The following OSGIN1 variants were observed in gnomAD, a reference collection of about 807,000 sequenced individuals.
The protein encoded by OSGIN1 is oxidative stress-induced growth inhibitor 1.
A neutral mutation model predicts 20.1 loss-of-function variants in OSGIN1; 19 were observed. That is an observed-to-expected ratio of 0.95 (90% CI 0.66 to 1.39). OSGIN1 has a LOEUF of 1.39. OSGIN1 is among the 40% of genes most tolerant of loss of function. OSGIN1 has a pLI of 0.00. For missense variants in OSGIN1, 820 were observed against 653.0 expected (o/e 1.26, Z -2.79); for synonymous variants, 368 against 297.8 (o/e 1.24, Z -2.43).
chr16:83,965,701 G>A lies in OSGIN1; in HGVS notation c.1128G>A (p.Val376=). Reference sequence around the variant, plus strand: ...GCTTCAAGGAAGACTGCCAGGCCGTGTTCCAGGACCTCGAGGGTGTCGAGA... The same window carrying A: ...GCTTCAAGGAAGACTGCCAGGCCGTATTCCAGGACCTCGAGGGTGTCGAGA... ...LLCFKEDCQA[V]FQDLEGVEKV... The change falls in exon 6 of 6, where the codon GTG becomes GTA. Residue 376 remains valine, a synonymous_variant. Coordinates refer to ENST00000393306, the MANE Select transcript of OSGIN1 (RefSeq NM_182981.3). 3 of 1,613,670 alleles carry A rather than the reference G, an allele frequency of 1.9e-6. No homozygotes were observed. Among genetic ancestry groups the A allele is most frequent in the Non-Finnish European group, 2.5e-6 (3 of 1,180,022 alleles).
intron 1 of OSGIN1, 47 bp downstream of exon 1, chr16:83,953,417 C>G: frequency 7.8e-7 from 1 of 1,283,726 alleles, no homozygotes; most frequent in Non-Finnish European, 1.0e-6. Flanking sequence ...AGGCACATCC[C>G]AGGCACCCGT....
intron 5 of OSGIN1, among the ~76,000 whole-genome samples, chr16:83,964,089 A>T (rs1235668154): frequency 6.6e-6 from 1 of 152,186 alleles, no homozygotes; most frequent in Non-Finnish European, 1.5e-5. Flanking sequence ...GGATCACTTG[A>T]GGTCAAGAGT....
chr16:83,957,533 A>ACAG lies in OSGIN1; in HGVS notation c.-32-107_-32-106insCAG, dbSNP rs1258050370. ...ATATGTCTCATGGGGACCCCGGACC[A>ACAG]GACCCTGAGGGCCACAGGAGGCCAC... On this transcript the variant is annotated intron_variant, in intron 1 of 5. Transcript: ENST00000393306. The ACAG allele has an allele frequency of 1.5e-4, 100 of 676,146 alleles. No homozygotes were observed. In the East Asian group the frequency reaches 2.8e-3, roughly 19 times the overall value. 41.9% of individuals were successfully genotyped at this position (676,146 alleles called of 1,614,324 possible). A position where few individuals can be genotyped will look rare whatever the true frequency, so the allele number is the denominator to read the frequency against.
rs1458091714 is a variant in OSGIN1, at chr16:83,965,653, C to G, written c.1080C>G (p.Ser360Arg). The change falls in exon 6 of 6, where the codon AGC (serine) becomes AGG (arginine). Residue 360 changes from serine (S) to arginine (R), a missense_variant. Coordinates refer to ENST00000393306, the MANE Select transcript of OSGIN1 (RefSeq NM_182981.3). ...CCAGCCCCTATGAGGGTTACCGCAG[C>G]CTCCCCAGGCACCAGCTGCTGTGCT... ...LSPSPYEGYR[S>R]LPRHQLLCFK... 1 of 1,613,428 alleles carries G rather than the reference C, an allele frequency of 6.2e-7. No individual in the cohort carries two copies. The highest frequency in any genetic ancestry group is 8.5e-7 in the Non-Finnish European group (1 of 1,180,006).
intron 5 of OSGIN1, among the ~76,000 whole-genome samples, chr16:83,962,501 A>C (rs1406653196): frequency 1.3e-5 from 2 of 152,206 alleles, no homozygotes; most frequent in Non-Finnish European, 2.9e-5. Context: ...TCGGCCTCCC[A>C]AAGTGCTGGG....
chr16:83,965,582 T>C lies in OSGIN1; in HGVS notation c.1009T>C (p.Tyr337His), dbSNP rs756109667. The change falls in exon 6 of 6, where the codon TAC (tyrosine) becomes CAC (histidine). Residue 337 changes from tyrosine (Y) to histidine (H), a missense_variant. Coordinates refer to ENST00000393306, the MANE Select transcript of OSGIN1 (RefSeq NM_182981.3). ...NQLPKMLYPE[Y>H]HKVHQMMREQ... ...GCTGCCCAAGATGCTGTACCCCGAG[T>C]ACCACAAGGTGCACCAGATGATGCG... is the stretch of plus-strand genomic sequence containing the variant. 2.2e-5 allele frequency: 36 copies of C among 1,612,940 alleles called. No individual in the cohort carries two copies. The highest frequency in any genetic ancestry group is 3.1e-5 in the Non-Finnish European group (36 of 1,180,002).
intron 1 of OSGIN1, among the ~76,000 whole-genome samples, chr16:83,955,707 C>T (rs895315613): frequency 6.6e-6 from 1 of 152,196 alleles, no homozygotes; most frequent in African/African-American, 2.4e-5. Flanking sequence ...GTAACTACTA[C>T]TACTATTATA....
rs1021505710 is a variant in OSGIN1, at chr16:83,965,041, GTCCTGCATCC to G, written c.489-17_489-8del. 4 of 1,518,976 alleles carry G rather than the reference GTCCTGCATCC, an allele frequency of 2.6e-6. No individual in the cohort carries two copies. The Admixed American group carries it at 7.2e-5, about 27-fold the overall frequency. 94.1% of individuals were successfully genotyped at this position (1,518,976 alleles called of 1,614,324 possible). Reference sequence around the variant, plus strand: ...ACCCCTAACAGTGTCTGACTCTGGCGTCCTGCATCCTCCCCAACAGAGGTCTTCGCAACAG... The same window carrying G: ...ACCCCTAACAGTGTCTGACTCTGGCGTCCCCAACAGAGGTCTTCGCAACAG... On this transcript the variant is annotated splice_polypyrimidine_tract_variant and intron_variant, in intron 5 of 5. Transcript: ENST00000393306.
At chr16:83,963,754 C>A (rs2084243467) in intron 5 of OSGIN1, among the ~76,000 whole-genome samples, 1 of 152,106 alleles carries the variant, frequency 6.6e-6, no homozygotes, top group East Asian at 1.9e-4. Context: ...TATGGGAGTT[C>A]ATCTTGAACC....
intron 1 of OSGIN1, 70 bp downstream of exon 1, chr16:83,953,440 T>G: frequency 1.6e-6 from 2 of 1,260,234 alleles, no homozygotes; most frequent in South Asian, 1.3e-5. Flanking sequence ...CAAGCCCAGC[T>G]GGACCGGAGG....
intron 2 of OSGIN1, among the ~76,000 whole-genome samples, chr16:83,958,275 T>C (rs1597178070): frequency 6.6e-6 from 1 of 152,290 alleles, no homozygotes; most frequent in South Asian, 2.1e-4. Flanking sequence ...TCATTCCCTT[T>C]CACACTTCCG....
At chr16:83,962,123 C>A (rs2084222454) in intron 5 of OSGIN1, among the ~76,000 whole-genome samples, 1 of 152,118 alleles carries the variant, frequency 6.6e-6, no homozygotes, top group Non-Finnish European at 1.5e-5. Flanking sequence ...CCCTTTCACT[C>A]CTGGGGTATT....
intron 5 of OSGIN1, among the ~76,000 whole-genome samples, chr16:83,961,781 C>G (rs76344442): frequency 0.024 from 3,614 of 152,130 alleles, 60 homozygotes; most frequent in Non-Finnish European, 0.036. Flanking sequence ...CTGGGCCTCC[C>G]CATAGTGCCC....
At chr16:83,963,435 G>A (rs184285115) in intron 5 of OSGIN1, among the ~76,000 whole-genome samples, 188 of 152,118 alleles carry the variant, frequency 1.2e-3, no homozygotes, top group African/African-American at 4.1e-3. Context: ...GGGCTTAGAC[G>A]TCAGAGCACA....
Position 83,960,612 on chromosome 16 carries a change from G to T in OSGIN1, c.248G>T (p.Ser83Ile). Reference protein sequence around the residue: ...LSEGLEGRSQSPVALLFDALL... With the variant: ...LSEGLEGRSQIPVALLFDALL... ...GAAGGCCTCGAAGGCCGATCCCAAA[G>T]CCCCGTGGCCCTGCTCTTTGATGCC... Residue 83 changes from serine to isoleucine, a missense_variant, in exon 4 of 6, where the codon AGC (serine) becomes ATC (isoleucine). Physicochemically the swap from Ser to Ile is moderately radical, Grantham distance 142. Coordinates refer to ENST00000393306, the MANE Select transcript of OSGIN1 (RefSeq NM_182981.3). The T allele has an allele frequency of 6.2e-7, 1 of 1,613,472 alleles. No homozygotes were observed. Among genetic ancestry groups the T allele is most frequent in the Non-Finnish European group, 8.5e-7 (1 of 1,180,016 alleles).
rs149960762 is a variant in OSGIN1 at position 83,965,412 on chromosome 16, C to T, written c.839C>T (p.Ala280Val). The change falls in exon 6 of 6, where the codon GCG becomes GTG. Residue 280 changes from alanine to valine, a missense_variant. Physicochemically the swap from Ala to Val is moderately conservative, Grantham distance 64 (BLOSUM62 0). Coordinates refer to ENST00000393306, the MANE Select transcript of OSGIN1 (RefSeq NM_182981.3). The stretch of plus-strand genomic sequence containing the variant: ...CTGGAGGCCGCCACAAGGGTGGGTG[C>T]GGTGACCCCGGCCTCAGACCCTGTC... Reference protein sequence around the residue: ...SALEAATRVGAVTPASDPVLI... With the variant: ...SALEAATRVGVVTPASDPVLI... 17 of 1,577,278 alleles carry T rather than the reference C, an allele frequency of 1.1e-5. No individual in the cohort carries two copies. The highest frequency in any genetic ancestry group is 8.0e-5 in the African/African-American group (6 of 74,644).
rs755167532 is a variant in OSGIN1, at chr16:83,961,012, A to G, written c.428A>G (p.Gln143Arg). The G allele has an allele frequency of 4.3e-6, 7 of 1,613,562 alleles. No individual in the cohort carries two copies. The African/African-American group carries it at 8.0e-5, about 18-fold the overall frequency. The change falls in exon 5 of 6, where the codon CAA becomes CGA. Residue 143 changes from glutamine (Q) to arginine (R), a missense_variant. Gln to Arg is a conservative substitution (Grantham distance 43). Transcript: ENST00000393306. ...GAAGGCTCCATGGTGATCCTGAGCC[A>G]AGGCCAGTGGATGGGGCTCCCGGAC... is the stretch of plus-strand genomic sequence containing the variant. ...SIEGSMVILSQGQWMGLPDLE... is the reference protein window; with the variant it reads ...SIEGSMVILSRGQWMGLPDLE...
rs377056563 is a variant in OSGIN1, at chr16:83,961,085, C to T, written c.488+13C>T. ...AGAAGAAGCGAAGGTGAGGCCGCCC[C>T]GGAACGCCTTGGGGGACACGGAAGG... is the stretch of plus-strand genomic sequence containing the variant. On this transcript the variant is annotated intron_variant, in intron 5 of 5. Transcript: ENST00000393306. 27 of 1,605,458 alleles carry T rather than the reference C, an allele frequency of 1.7e-5. No homozygotes were observed. The highest frequency in any genetic ancestry group is 1.6e-4 in the Middle Eastern group (1 of 6,062).
intron 1 of OSGIN1, chr16:83,954,171 G>C (rs1459200895): frequency 6.6e-6 from 1 of 152,190 alleles, no homozygotes; most frequent in Non-Finnish European, 1.5e-5. Context: ...TGCACAATGG[G>C]GATAAGAACA....
Sources: gnomAD v4.1 joint callset for allele counts (sites outside exome capture counted in the v4.1 genomes callset) on GRCh38, gnomAD v4.1.1 for gene constraint, MANE v1.5 for transcripts, NCBI Gene and HGNC (gene_info 2026-07-23, HGNC 2026-07-21) for gene names.